PTCHD4: variants seen among roughly 807,000 people sequenced by gnomAD.
PTCHD4 encodes patched domain-containing protein 4.
A neutral mutation model predicts 58.1 loss-of-function variants in PTCHD4; 33 were observed. The observed-to-expected ratio is 0.57, with a 90% CI of 0.43 to 0.76. The LOEUF (loss-of-function observed/expected upper bound fraction) is 0.76, where lower values mean the gene tolerates loss of function less well. Among genes scored for constraint, PTCHD4 ranks in the 30% least tolerant of loss-of-function variants. The probability of loss-of-function intolerance (pLI) is 0.00; values close to 1 mark genes in which losing one functional copy is unlikely to be tolerated. For missense variants in PTCHD4, 1,058 were observed against 1,027.1 expected (o/e 1.03, Z -0.41); for synonymous variants, 478 against 409.6 (o/e 1.17, Z -2.02).
Position 48,068,115 on chromosome 6 carries a change from C to A in PTCHD4, c.417+115G>T, listed in dbSNP as rs1764860119. On this transcript the variant is annotated intron_variant, in intron 3 of 4. Transcript: ENST00000339488. The surrounding 1 kb of genome is among the most constrained non-coding windows in gnomAD (Gnocchi z 4.2). ...CTGGCTGTTGTCTTATTGGAGACGGCAGCCTGCCTGAGATCCTCTAGCACT... is the reference window on the plus strand; with the variant it reads ...CTGGCTGTTGTCTTATTGGAGACGGAAGCCTGCCTGAGATCCTCTAGCACT... 1 of 1,168,834 alleles carries A rather than the reference C, an allele frequency of 8.6e-7. No homozygotes were observed. The highest frequency in any genetic ancestry group is 2.4e-5 in the Admixed American group (1 of 41,976). 72.4% of individuals were successfully genotyped at this position (1,168,834 alleles called of 1,614,324 possible).
chr6:47,999,494 T>A (rs1768635329), intron 4 of PTCHD4, among the ~76,000 whole-genome samples: 1 of 152,208 alleles, frequency 6.6e-6, no homozygotes, highest in Non-Finnish European at 1.5e-5. Flanking sequence ...AAATAAGTCC[T>A]GTGGCAACAT....
chr6:47,893,912 T>C (rs1183569713), intron 4 of PTCHD4, among the ~76,000 whole-genome samples: 1 of 152,268 alleles, frequency 6.6e-6, no homozygotes, highest in Non-Finnish European at 1.5e-5. Flanking sequence ...TGGATTAAAC[T>C]AATTGAGGCA....
chr6:47,874,927 T>C lies in PTCHD4; in HGVS notation c.*3376A>G, dbSNP rs997550137. Among the ~76,000 whole-genome samples, 1 of 151,766 alleles carries C rather than the reference T, an allele frequency of 6.6e-6. No homozygotes were observed. The highest frequency in any genetic ancestry group is 2.4e-5 in the African/African-American group (1 of 41,402). ...ACCTTTAACCATAAACGGTAAAAAA[T>C]CTTTTAGCTGATCTCTCTGTAATTT... On this transcript the variant is annotated 3_prime_UTR_variant, in exon 5 of 5. Transcript: ENST00000339488.
Position 47,887,534 on chromosome 6 carries a change from C to G in PTCHD4, c.899-7598G>C, listed in dbSNP as rs749727610. On this transcript the variant is annotated intron_variant, in intron 4 of 4. Transcript: ENST00000339488. ...AGGTGGAAATAGATGTCAATTATAC[C>G]TAATTGGGAAATTAGCATATTATTC... 1.4e-4 allele frequency among the ~76,000 whole-genome samples: 21 copies of G among 152,044 alleles called. 1 individual carries two copies.
intron 1 of PTCHD4, among the ~76,000 whole-genome samples, chr6:48,108,542 T>G (rs1473199555): frequency 1.3e-5 from 2 of 152,092 alleles, no homozygotes; most frequent in African/African-American, 4.8e-5. Flanking sequence ...ACATGGCACA[T>G]GTATACATAT....
intron 4 of PTCHD4, among the ~76,000 whole-genome samples, chr6:47,944,574 A>G (rs1284920551): frequency 3.3e-5 from 5 of 152,244 alleles, no homozygotes; most frequent in African/African-American, 9.6e-5. Flanking sequence ...ACATATCTAC[A>G]TTAAGAATTC....
intron 1 of PTCHD4, among the ~76,000 whole-genome samples, chr6:48,075,329 C>T (rs1427421199): frequency 1.3e-5 from 2 of 151,982 alleles, no homozygotes; most frequent in African/African-American, 4.8e-5. Flanking sequence ...TCACTTTTGT[C>T]CCATTTATAA....
chr6:48,002,911 A>T (rs1768792057), intron 4 of PTCHD4, among the ~76,000 whole-genome samples: 1 of 152,180 alleles, frequency 6.6e-6, no homozygotes, highest in Non-Finnish European at 1.5e-5. Flanking sequence ...TTGCTAAATC[A>T]GATGGCTACT....
intron 4 of PTCHD4, among the ~76,000 whole-genome samples, chr6:47,938,370 T>C (rs952070094): frequency 6.6e-6 from 1 of 152,144 alleles, no homozygotes; most frequent in African/African-American, 2.4e-5. Flanking sequence ...TGTTGGTCTA[T>C]AGAACACCTC....
chr6:47,946,323 T>A (rs1175054080), intron 4 of PTCHD4, among the ~76,000 whole-genome samples: 2 of 152,280 alleles, frequency 1.3e-5, no homozygotes, highest in African/African-American at 4.8e-5. Context: ...AATTTTTAAT[T>A]TATTTTCATA....
intron 1 of PTCHD4, among the ~76,000 whole-genome samples, chr6:48,110,792 A>AAAT (rs1562053951): frequency 1.4e-5 from 2 of 142,840 alleles, no homozygotes; most frequent in South Asian, 2.2e-4. Flanking sequence ...TATATATATA[A>AAAT]ATATATATAT....
chr6:48,070,721 C>G (rs1434091407), intron 1 of PTCHD4, among the ~76,000 whole-genome samples: 1 of 152,178 alleles, frequency 6.6e-6, no homozygotes, highest in Non-Finnish European at 1.5e-5. Context: ...AACTCAATCT[C>G]TTTGCCACAT....
chr6:47,886,719 T>C (rs1037148964), intron 4 of PTCHD4, among the ~76,000 whole-genome samples: 4 of 152,182 alleles, frequency 2.6e-5, no homozygotes, highest in Admixed American at 1.3e-4. Context: ...GGATAATACA[T>C]CAGTATTTTA....
chr6:48,058,302 C>T (rs1229151060), intron 3 of PTCHD4, among the ~76,000 whole-genome samples: 1 of 152,222 alleles, frequency 6.6e-6, no homozygotes, highest in African/African-American at 2.4e-5. Context: ...CTAACAAGTT[C>T]CCAGGTGATG....
intron 1 of PTCHD4, among the ~76,000 whole-genome samples, chr6:48,110,792 A>AT (rs1765855886): frequency 8.4e-5 from 12 of 142,842 alleles, no homozygotes; most frequent in African/African-American, 2.5e-4. Context: ...TATATATATA[A>AT]ATATATATAT....
In PTCHD4 at chr6:47,878,701, T is replaced by C. The variant is rs369796066; in HGVS notation, c.2134A>G (p.Ile712Val). ...LWNVDMDCIS[I>V]LCLIYTLNFA... ...TTCAAGGTGTAGATAAGGCACAAGA[T>C]AGAAATGCAATCCATGTCGACGTTC... Residue 712 changes from isoleucine to valine, a missense_variant, in exon 5 of 5, where the codon ATC (isoleucine) becomes GTC (valine). Coordinates refer to ENST00000339488, the MANE Select transcript of PTCHD4 (RefSeq NM_001384253.1). 14 of 1,613,112 alleles carry C rather than the reference T, an allele frequency of 8.7e-6. No homozygotes were observed. The highest frequency in any genetic ancestry group is 1.1e-5 in the Non-Finnish European group (13 of 1,179,666).
At chr6:48,109,619 C>A (rs1765820083) in intron 1 of PTCHD4, among the ~76,000 whole-genome samples, 1 of 151,968 alleles carries the variant, frequency 6.6e-6, no homozygotes, top group Non-Finnish European at 1.5e-5. Flanking sequence ...GAGAAGGCAG[C>A]CTACAAATTG....
chr6:48,088,050 C>T (rs1227074946), intron 1 of PTCHD4, among the ~76,000 whole-genome samples: 2 of 151,976 alleles, frequency 1.3e-5, no homozygotes, highest in Non-Finnish European at 2.9e-5. Flanking sequence ...TTTCAAAAAT[C>T]AAAATAAAAT....
intron 3 of PTCHD4, among the ~76,000 whole-genome samples, chr6:48,050,560 A>AGTGC (rs1386887556): frequency 1.3e-5 from 2 of 151,996 alleles, no homozygotes; most frequent in Admixed American, 6.6e-5. Flanking sequence ...CAGTTTTCTC[A>AGTGC]CTGTAAAAAT....
Sources: gnomAD v4.1 joint callset for allele counts (sites outside exome capture counted in the v4.1 genomes callset) on GRCh38, gnomAD v4.1.1 for gene constraint, Gnocchi (gnomAD v3.1) non-coding constraint, MANE v1.5 for transcripts, NCBI Gene and HGNC (gene_info 2026-07-23, HGNC 2026-07-21) for gene names.